SNCAIP: variants seen among roughly 807,000 people sequenced by gnomAD.
SNCAIP encodes the protein synuclein alpha interacting protein, also known as synphilin-1.
Under a neutral mutation model 86.7 loss-of-function variants are expected in SNCAIP, and 43 were observed. The observed-to-expected ratio is 0.50, with a 90% CI of 0.39 to 0.64. The LOEUF (loss-of-function observed/expected upper bound fraction) is 0.64, where lower values mean the gene tolerates loss of function less well. SNCAIP is among the 30% of genes least tolerant of loss of function. The pLI is 0.00. For synonymous variants in SNCAIP, 417 were observed against 427.2 expected (o/e 0.98, Z 0.29); for missense variants, 981 against 1,103.1 (o/e 0.89, Z 1.57).
At chr5:122,360,557 C>T (rs1398740223) in intron 1 of SNCAIP, among the ~76,000 whole-genome samples, 1 of 152,134 alleles carries the variant, frequency 6.6e-6, no homozygotes, top group Non-Finnish European at 1.5e-5. Context: ...AGTTCTTGCT[C>T]TTTAATTAAT....
intron 1 of SNCAIP, among the ~76,000 whole-genome samples, chr5:122,380,737 G>T (rs980780888): frequency 2.0e-5 from 3 of 150,066 alleles, no homozygotes; most frequent in African/African-American, 4.9e-5. Context: ...TCTGGTATGT[G>T]GTGTCTTTGT....
In SNCAIP at chr5:122,451,242, C is replaced by T. The variant is rs149195657; in HGVS notation, c.2395C>T (p.Leu799Phe). ...QKVATSPKSA[L>F]KSPSSKRRTS... Reference sequence around the variant, plus strand: ...AGTTGCCACAAGTCCCAAGAGTGCCCTCAAGTCTCCATCTTCCAAGCGTAG... The same window carrying T: ...AGTTGCCACAAGTCCCAAGAGTGCCTTCAAGTCTCCATCTTCCAAGCGTAG... Residue 799 changes from leucine to phenylalanine, a missense_variant, in exon 10 of 11, where the codon CTC (leucine) becomes TTC (phenylalanine). Transcript: ENST00000261368. 5.6e-5 allele frequency: 90 copies of T among 1,614,018 alleles called. No individual in the cohort carries two copies. The highest frequency in any genetic ancestry group is 7.3e-5 in the Non-Finnish European group (86 of 1,180,022).
rs3838649 is a variant in SNCAIP at position 122,457,029 on chromosome 5, T to TTTTA, written c.2754+5429_2754+5432dup. Reference sequence around the variant, plus strand: ...GTTTTGTTTTGTTTTTGAGAAAGGGTTTTACTCTGTCACCCAGGCTGGAGT... The same window carrying TTTTA: ...GTTTTGTTTTGTTTTTGAGAAAGGGTTTTATTTACTCTGTCACCCAGGCTGGAGT... On this transcript the variant is annotated intron_variant, in intron 10 of 10. Coordinates refer to ENST00000261368, the MANE Select transcript of SNCAIP (RefSeq NM_005460.4). 7.9e-4 allele frequency among the ~76,000 whole-genome samples: 121 copies of TTTTA among 152,272 alleles called. No individual in the cohort carries two copies. The East Asian group carries it at 0.014, about 18-fold the overall frequency.
At chr5:122,374,286 C>T (rs1223815587) in intron 1 of SNCAIP, among the ~76,000 whole-genome samples, 1 of 152,104 alleles carries the variant, frequency 6.6e-6, no homozygotes, top group Non-Finnish European at 1.5e-5. Context: ...TTATCTTAGT[C>T]TGTTTCTTGA....
At chr5:122,370,498 C>A (rs188437368) in intron 1 of SNCAIP, among the ~76,000 whole-genome samples, 1 of 152,224 alleles carries the variant, frequency 6.6e-6, no homozygotes. Flanking sequence ...GTGTACCATC[C>A]TTAGAATCCA....
chr5:122,429,220 G>A (rs1478131146), intron 5 of SNCAIP, among the ~76,000 whole-genome samples: 1 of 151,738 alleles, frequency 6.6e-6, no homozygotes, highest in Non-Finnish European at 1.5e-5. Context: ...AAGAGGAGGA[G>A]AGGAAAGTGG....
In SNCAIP at chr5:122,461,201, T is replaced by C. The variant is rs564623169; in HGVS notation, c.2755-2290T>C. 2.6e-4 allele frequency among the ~76,000 whole-genome samples: 40 copies of C among 152,336 alleles called. 1 individual carries two copies. Among genetic ancestry groups the C allele is most frequent in the Admixed American group, 1.4e-3 (21 of 15,296 alleles). ...ACATCATTTCATTTTCTTTTGCTTC[T>C]AATGTGTCTGTTGAGAAGCCCTATT... On this transcript the variant is annotated intron_variant, in intron 10 of 10. Coordinates refer to ENST00000261368, the MANE Select transcript of SNCAIP (RefSeq NM_005460.4).
At chr5:122,442,880 G>A (rs1781368066) in intron 7 of SNCAIP, among the ~76,000 whole-genome samples, 1 of 152,054 alleles carries the variant, frequency 6.6e-6, no homozygotes. Flanking sequence ...AATCTTGGAA[G>A]GGGATCTGTC....
At chr5:122,458,887 C>T (rs575403944) in intron 10 of SNCAIP, among the ~76,000 whole-genome samples, 142 of 152,268 alleles carry the variant, frequency 9.3e-4, no homozygotes, top group African/African-American at 3.0e-3. Context: ...TTGTACTCCA[C>T]GTGTACTCCC....
At chr5:122,348,187 A>G (rs1484320871) in intron 1 of SNCAIP, among the ~76,000 whole-genome samples, 11 of 152,282 alleles carry the variant, frequency 7.2e-5, no homozygotes, top group African/African-American at 1.4e-4. Flanking sequence ...GAAAATGTTC[A>G]GTTCCCAAGT....
At chr5:122,424,628 C>T (rs567368907) in intron 4 of SNCAIP, among the ~76,000 whole-genome samples, 2 of 152,120 alleles carry the variant, frequency 1.3e-5, no homozygotes, top group Non-Finnish European at 2.9e-5. Context: ...AGTATTTTTT[C>T]TCCTGAAAAT....
intron 1 of SNCAIP, among the ~76,000 whole-genome samples, chr5:122,384,441 A>C (rs1265038362): frequency 6.6e-6 from 1 of 152,062 alleles, no homozygotes; most frequent in Non-Finnish European, 1.5e-5. Context: ...CATTTTGGCA[A>C]GTTGAAGTAG....
intron 10 of SNCAIP, among the ~76,000 whole-genome samples, chr5:122,462,803 A>G (rs899606425): frequency 2.6e-5 from 4 of 152,162 alleles, no homozygotes; most frequent in Admixed American, 1.3e-4. Context: ...CCCTCAGAAT[A>G]TAGCTCCTCT....
At chr5:122,312,164 G>A (rs1274207453), upstream of SNCAIP, 3 of 151,002 alleles carry the variant, frequency 2.0e-5, no homozygotes, top group African/African-American at 4.8e-5. Flanking sequence ...GCGGGGCCGC[G>A]GCAGCGCCTC....
At chr5:122,353,305 T>C (rs1407345338) in intron 1 of SNCAIP, among the ~76,000 whole-genome samples, 2 of 152,040 alleles carry the variant, frequency 1.3e-5, no homozygotes, top group African/African-American at 4.8e-5. Context: ...ATTACCTACA[T>C]TGGGTAGGAG....
intron 10 of SNCAIP, chr5:122,452,963 G>T (rs1165287816): frequency 6.5e-7 from 1 of 1,548,904 alleles, no homozygotes. Flanking sequence ...CCTCTAACAT[G>T]CTGATTGAAG....
At chr5:122,347,266 G>A (rs753968895) in intron 1 of SNCAIP, among the ~76,000 whole-genome samples, 104 of 152,206 alleles carry the variant, frequency 6.8e-4, no homozygotes, top group Non-Finnish European at 1.3e-3. Context: ...GAAGGTCTAT[G>A]TGAGAAACAC....
intron 1 of SNCAIP, among the ~76,000 whole-genome samples, chr5:122,348,107 A>G (rs2152737065): frequency 1.3e-5 from 2 of 152,276 alleles, no homozygotes; most frequent in South Asian, 4.1e-4. Flanking sequence ...GGATTCCCCC[A>G]TCCATTATTA....
chr5:122,332,902 T>C (rs922627679), intron 1 of SNCAIP, among the ~76,000 whole-genome samples: 5 of 152,212 alleles, frequency 3.3e-5, no homozygotes, highest in Admixed American at 3.3e-4. Context: ...AATGCATTAC[T>C]TATTTCAGAC....
Sources: allele counts gnomAD v4.1 joint callset (sites outside exome capture counted in the v4.1 genomes callset), GRCh38; gene constraint gnomAD v4.1.1; transcripts MANE v1.5; gene names NCBI Gene and HGNC (gene_info 2026-07-23, HGNC 2026-07-21).